Variants in NRXN3 observed in about 807,000 individuals in gnomAD.
NRXN3 encodes the protein neurexin 3, also known as neurexin III.
A neutral mutation model predicts 137.6 loss-of-function variants in NRXN3; 32 were observed. The ratio of observed to expected loss-of-function variants is 0.23; its 90% CI spans 0.18 to 0.31. The LOEUF (loss-of-function observed/expected upper bound fraction) is 0.31. Ranked by LOEUF, NRXN3 falls within the 10% of genes least tolerant of loss-of-function variation. The probability of loss-of-function intolerance (pLI) is 1.00; values close to 1 mark genes in which losing one functional copy is unlikely to be tolerated. For missense variants in NRXN3, 1,574 were observed against 2,062.5 expected (o/e 0.76, Z 4.59); for synonymous variants, 798 against 784.5 (o/e 1.02, Z -0.29).
chr14:78,702,656 C>T (rs1272276623), intron 6 of NRXN3, among the ~76,000 whole-genome samples: 1 of 152,034 alleles, frequency 6.6e-6, no homozygotes, highest in Non-Finnish European at 1.5e-5. Flanking sequence ...GTTGGCCATG[C>T]TGGTCTTGAA....
chr14:79,189,119 A>G (rs2063902973), intron 15 of NRXN3, among the ~76,000 whole-genome samples: 1 of 151,940 alleles, frequency 6.6e-6, no homozygotes, highest in Non-Finnish European at 1.5e-5. Flanking sequence ...TCACAATAGC[A>G]AAGACTTGGA....
chr14:79,364,080 G>A (rs972588794), intron 15 of NRXN3, among the ~76,000 whole-genome samples: 81 of 152,244 alleles, frequency 5.3e-4, no homozygotes, highest in African/African-American at 1.9e-3. Context: ...ATATCTGTAT[G>A]GCTATCATTC....
chr14:78,702,162 T>G (rs2098287410), intron 6 of NRXN3, among the ~76,000 whole-genome samples: 1 of 152,120 alleles, frequency 6.6e-6, no homozygotes. Flanking sequence ...TGATGAAAAA[T>G]GATGTTCATG....
chr14:79,712,695 T>A (rs2098808840), intron 19 of NRXN3, among the ~76,000 whole-genome samples: 1 of 151,302 alleles, frequency 6.6e-6, no homozygotes, highest in Non-Finnish European at 1.5e-5. Context: ...ACAAAAGACC[T>A]CACAAGATAA....
chr14:79,814,913 A>T (rs551561905), intron 20 of NRXN3, among the ~76,000 whole-genome samples: 1 of 152,308 alleles, frequency 6.6e-6, no homozygotes, highest in Non-Finnish European at 1.5e-5. Flanking sequence ...AAACTTTTTA[A>T]CTCACTGGTT....
chr14:78,866,296 G>A (rs1368551223), intron 10 of NRXN3, among the ~76,000 whole-genome samples: 1 of 152,120 alleles, frequency 6.6e-6, no homozygotes, highest in Non-Finnish European at 1.5e-5. Flanking sequence ...AAGTAATTTT[G>A]TGTTGATTAT....
chr14:78,641,802 T>G (rs892441744), intron 4 of NRXN3, among the ~76,000 whole-genome samples: 1 of 152,234 alleles, frequency 6.6e-6, no homozygotes, highest in East Asian at 1.9e-4. Context: ...TAAAATCTTC[T>G]TCGGTATAGT....
At chr14:78,514,366 C>T (rs1045087218) in intron 4 of NRXN3, among the ~76,000 whole-genome samples, 4 of 152,010 alleles carry the variant, frequency 2.6e-5, no homozygotes, top group South Asian at 2.1e-4. Context: ...GTAGCTAGGT[C>T]GAGGTAAAAA....
intron 2 of NRXN3, among the ~76,000 whole-genome samples, chr14:78,264,541 C>T (rs2071364941): frequency 6.6e-6 from 1 of 152,088 alleles, no homozygotes; most frequent in Non-Finnish European, 1.5e-5. Flanking sequence ...ATTCCCCTTT[C>T]CTGAAGCCAG....
intron 16 of NRXN3, among the ~76,000 whole-genome samples, chr14:79,542,612 A>G (rs528901621): frequency 6.6e-6 from 1 of 152,260 alleles, no homozygotes; most frequent in African/African-American, 2.4e-5. Context: ...CCTTGTGAAG[A>G]AAGACCCCAC....
chr14:79,106,216 T>C (rs2052407549), intron 15 of NRXN3, among the ~76,000 whole-genome samples: 1 of 152,096 alleles, frequency 6.6e-6, no homozygotes, highest in Admixed American at 6.6e-5. Flanking sequence ...TAGTATAATA[T>C]CAGCTCATAA....
At chr14:78,415,412 C>T (rs1339063729) in intron 4 of NRXN3, among the ~76,000 whole-genome samples, 1 of 152,124 alleles carries the variant, frequency 6.6e-6, no homozygotes, top group Non-Finnish European at 1.5e-5. Flanking sequence ...TTTGTTATTT[C>T]CCATGAGTTG....
intron 10 of NRXN3, among the ~76,000 whole-genome samples, chr14:78,922,401 C>A (rs2099273107): frequency 6.6e-6 from 1 of 152,040 alleles, no homozygotes; most frequent in South Asian, 2.1e-4. Flanking sequence ...TCTAAAATAT[C>A]TTTTCTATTT....
intron 17 of NRXN3, among the ~76,000 whole-genome samples, chr14:79,667,231 T>G (rs1010364458): frequency 1.7e-4 from 26 of 152,140 alleles, no homozygotes; most frequent in African/African-American, 6.0e-4. Context: ...CTAAAGTCAT[T>G]CTATTTTATT....
intron 15 of NRXN3, among the ~76,000 whole-genome samples, chr14:79,344,114 G>T (rs2092750132): frequency 6.6e-6 from 1 of 152,086 alleles, no homozygotes; most frequent in South Asian, 2.1e-4. Flanking sequence ...TCTCTCTCAG[G>T]ACTTTGAAGA....
chr14:78,510,949 A>G (rs528026288), intron 4 of NRXN3, among the ~76,000 whole-genome samples: 3 of 152,188 alleles, frequency 2.0e-5, no homozygotes, highest in African/African-American at 7.2e-5. Flanking sequence ...AGAAAATTTT[A>G]TGACTTGCAT....
intron 15 of NRXN3, among the ~76,000 whole-genome samples, chr14:79,085,118 C>A (rs545993210): frequency 2.6e-5 from 4 of 152,174 alleles, no homozygotes; most frequent in African/African-American, 9.6e-5. Flanking sequence ...GGGATGGAAT[C>A]CTAAGCACTT....
rs1206007388 is a variant in NRXN3, at chr14:79,217,241, G to A, written c.3262+229100G>A. 2.0e-5 allele frequency among the ~76,000 whole-genome samples: 3 copies of A among 152,298 alleles called. No homozygotes were observed. In the East Asian group the frequency reaches 5.8e-4, roughly 29 times the overall value. On this transcript the variant is annotated intron_variant, in intron 15 of 20. Transcript: ENST00000335750. The stretch of plus-strand genomic sequence containing the variant: ...TTAGCATCTGCTTAGCTTCTGGTGA[G>A]GTCTCAGGGAGGTTTTACTCATGGT...
intron 10 of NRXN3, among the ~76,000 whole-genome samples, chr14:78,943,610 TA>T (rs754141401): frequency 0.02 from 576 of 28,692 alleles, 10 homozygotes; most frequent in African/African-American, 0.028. Context: ...AGATCACTGT[TA>T]AAAAAAAAAA....
Sources: allele counts gnomAD v4.1 joint callset (sites outside exome capture counted in the v4.1 genomes callset), GRCh38; gene constraint gnomAD v4.1.1; transcripts MANE v1.5; gene names NCBI Gene and HGNC (gene_info 2026-07-23, HGNC 2026-07-21).